LSAMP: variants seen among roughly 807,000 people sequenced by gnomAD.
LSAMP encodes limbic system associated membrane protein, also known as limbic system-associated membrane protein.
A neutral mutation model predicts 38.6 loss-of-function variants in LSAMP; 7 were observed. The ratio of observed to expected loss-of-function variants is 0.18; its 90% CI spans 0.10 to 0.34. The LOEUF (loss-of-function observed/expected upper bound fraction) is 0.34, where lower values mean the gene tolerates loss of function less well. LSAMP is among the 10% of genes least tolerant of loss of function. The pLI is 1.00. For missense variants in LSAMP, 313 were observed against 420.0 expected (o/e 0.75, Z 2.23); for synonymous variants, 154 against 166.8 (o/e 0.92, Z 0.59).
intron 6 of LSAMP, among the ~76,000 whole-genome samples, chr3:115,818,355 C>A (rs1577032362): frequency 6.6e-6 from 1 of 152,154 alleles, no homozygotes; most frequent in Middle Eastern, 3.4e-3. Flanking sequence ...CTCGATGAGG[C>A]CATCTTCAGT....
intron 1 of LSAMP, among the ~76,000 whole-genome samples, chr3:116,319,722 G>T (rs958715492): frequency 6.6e-6 from 1 of 151,520 alleles, no homozygotes; most frequent in Non-Finnish European, 1.5e-5. Flanking sequence ...TGCTGCTACT[G>T]TTCAGAGGTA....
chr3:116,022,600 T>G (rs578057698), intron 2 of LSAMP, among the ~76,000 whole-genome samples: 55 of 152,328 alleles, frequency 3.6e-4, no homozygotes, highest in African/African-American at 1.2e-3. Flanking sequence ...CAAACTTGAC[T>G]GTTTTTCCTC....
At chr3:116,299,199 G>A (rs1034292234) in intron 1 of LSAMP, among the ~76,000 whole-genome samples, 3 of 152,122 alleles carry the variant, frequency 2.0e-5, no homozygotes, top group Admixed American at 1.3e-4. Flanking sequence ...AAGTAGAAAC[G>A]ACATGACTGA....
At chr3:116,279,819 A>G (rs2047104338) in intron 1 of LSAMP, among the ~76,000 whole-genome samples, 1 of 152,078 alleles carries the variant, frequency 6.6e-6, no homozygotes, top group Non-Finnish European at 1.5e-5. Flanking sequence ...TGATTATTGA[A>G]CTCTGCTATA....
At chr3:116,429,917 A>T (rs1452979034) in intron 1 of LSAMP, among the ~76,000 whole-genome samples, 2 of 152,200 alleles carry the variant, frequency 1.3e-5, no homozygotes, top group African/African-American at 4.8e-5. Context: ...TAATTTCCTA[A>T]TTCAGATGGT....
At chr3:115,811,758 A>C (rs1301908250) in intron 6 of LSAMP, among the ~76,000 whole-genome samples, 1 of 152,154 alleles carries the variant, frequency 6.6e-6, no homozygotes, top group Admixed American at 6.5e-5. Flanking sequence ...AACAATAAGA[A>C]CGAAACCACA....
intron 1 of LSAMP, among the ~76,000 whole-genome samples, chr3:116,285,963 G>A (rs1448501404): frequency 6.6e-6 from 1 of 152,150 alleles, no homozygotes; most frequent in African/African-American, 2.4e-5. Context: ...AGAGAAAACA[G>A]GCTTCATCTC....
chr3:116,337,896 T>C (rs1367132888), intron 1 of LSAMP, among the ~76,000 whole-genome samples: 1 of 152,030 alleles, frequency 6.6e-6, no homozygotes, highest in Non-Finnish European at 1.5e-5. Flanking sequence ...CCAGACATCT[T>C]CATTTTTCCC....
At chr3:116,011,878 C>T (rs923371196) in intron 3 of LSAMP, among the ~76,000 whole-genome samples, 10 of 152,296 alleles carry the variant, frequency 6.6e-5, no homozygotes, top group Middle Eastern at 3.4e-3. Context: ...TTCTGACAAC[C>T]CTGGGTACAT....
chr3:116,207,701 A>T (rs1185235955), intron 1 of LSAMP, among the ~76,000 whole-genome samples: 23 of 148,902 alleles, frequency 1.5e-4, no homozygotes, highest in Non-Finnish European at 1.4e-4. Flanking sequence ...TGGGTTGAAA[A>T]TTCTTTTCTT....
At chr3:115,967,886 T>C (rs1321058297) in intron 3 of LSAMP, among the ~76,000 whole-genome samples, 1 of 152,132 alleles carries the variant, frequency 6.6e-6, no homozygotes, top group African/African-American at 2.4e-5. Flanking sequence ...TTATGGGAGC[T>C]ACAAGATGAG....
intron 3 of LSAMP, among the ~76,000 whole-genome samples, chr3:115,853,680 G>A (rs1003345045): frequency 1.9e-4 from 29 of 152,248 alleles, no homozygotes; most frequent in African/African-American, 7.0e-4. Flanking sequence ...ATGAGATTGG[G>A]TAGCAGGAAG....
At chr3:115,921,277 T>C (rs1464549091) in intron 3 of LSAMP, among the ~76,000 whole-genome samples, 1 of 152,078 alleles carries the variant, frequency 6.6e-6, no homozygotes, top group Admixed American at 6.6e-5. Flanking sequence ...CATTTCTTCT[T>C]GTTGTTTTCC....
intron 3 of LSAMP, among the ~76,000 whole-genome samples, chr3:115,880,415 C>G (rs1186278857): frequency 6.6e-6 from 1 of 152,014 alleles, no homozygotes; most frequent in Non-Finnish European, 1.5e-5. Flanking sequence ...TTTTGTTTTG[C>G]CTTTTGTCAG....
chr3:115,880,843 C>T (rs1209736864), intron 3 of LSAMP, among the ~76,000 whole-genome samples: 2 of 151,664 alleles, frequency 1.3e-5, no homozygotes, highest in African/African-American at 4.8e-5. Context: ...ACCAGCCCGG[C>T]CTACCAACAT....
At chr3:116,412,488 C>A (rs2048993366) in intron 1 of LSAMP, among the ~76,000 whole-genome samples, 1 of 152,026 alleles carries the variant, frequency 6.6e-6, no homozygotes, top group African/African-American at 2.4e-5. Context: ...TTTGAGAAAT[C>A]AAGGACCTAG....
chr3:116,311,859 T>C (rs1323877819), intron 1 of LSAMP, among the ~76,000 whole-genome samples: 1 of 152,228 alleles, frequency 6.6e-6, no homozygotes, highest in Non-Finnish European at 1.5e-5. Flanking sequence ...ACTTGCTCAA[T>C]AAATACCTTT....
intron 1 of LSAMP, among the ~76,000 whole-genome samples, chr3:116,241,441 C>T (rs2046532759): frequency 1.3e-5 from 2 of 152,024 alleles, no homozygotes; most frequent in African/African-American, 4.8e-5. Context: ...TGACACACGC[C>T]TGTAGTCCCA....
At chr3:115,907,286 A>G (rs1363399231) in intron 3 of LSAMP, among the ~76,000 whole-genome samples, 7 of 152,084 alleles carry the variant, frequency 4.6e-5, no homozygotes, top group African/African-American at 1.7e-4. Flanking sequence ...CTAATCCTCA[A>G]TATGATGGCA....
Sources: allele counts gnomAD v4.1 joint callset (sites outside exome capture counted in the v4.1 genomes callset), GRCh38; gene constraint gnomAD v4.1.1; transcripts MANE v1.5; gene names NCBI Gene and HGNC (gene_info 2026-07-23, HGNC 2026-07-21).